Variants in METTL2A observed in about 807,000 individuals in gnomAD.
METTL2A encodes methyltransferase 2A, tRNA N3-cytidine.
In METTL2A, 45 loss-of-function variants were observed where a neutral mutation model predicts 49.4. That is an observed-to-expected ratio of 0.91 (90% CI 0.72 to 1.17). The LOEUF is 1.17. METTL2A is among the 50% of genes most tolerant of loss of function. The pLI is 0.00. For missense variants in METTL2A, 361 were observed against 462.2 expected (o/e 0.78, Z 2.01); for synonymous variants, 118 against 167.5 (o/e 0.70, Z 2.28).
rs1319873863 is a variant in METTL2A at position 62,451,719 on chromosome 17, C to G, written c.*2990C>G. 4.6e-5 allele frequency among the ~76,000 whole-genome samples: 7 copies of G among 151,834 alleles called. No individual in the cohort carries two copies. Among genetic ancestry groups the G allele is most frequent in the Admixed American group, 2.6e-4 (4 of 15,246 alleles). On this transcript the variant is annotated 3_prime_UTR_variant, in exon 9 of 9. Transcript: ENST00000311506. Reference sequence around the variant, plus strand: ...CCAGCCTGACCAACATGGAGAAACCCCGTCTCTACTAAAAATACAAAATAG... The same window carrying G: ...CCAGCCTGACCAACATGGAGAAACCGCGTCTCTACTAAAAATACAAAATAG...
rs1355833878 is a variant in METTL2A, at chr17:62,450,929, C to T, written c.*2200C>T. Reference sequence around the variant, plus strand: ...AATAGTCCATTTTTTTCTGATGTCCCAACATCACCAAATGTATCCATCACA... The same window carrying T: ...AATAGTCCATTTTTTTCTGATGTCCTAACATCACCAAATGTATCCATCACA... On this transcript the variant is annotated 3_prime_UTR_variant, in exon 9 of 9. Coordinates refer to ENST00000311506, the MANE Select transcript of METTL2A (RefSeq NM_181725.4). 3 of 152,066 alleles carry T rather than the reference C, an allele frequency of 2.0e-5. No homozygotes were observed. The highest frequency in any genetic ancestry group is 7.2e-5 in the African/African-American group (3 of 41,408). 9.4% of individuals were successfully genotyped at this position (152,066 alleles called of 1,614,324 possible). A position where few individuals can be genotyped will look rare whatever the true frequency, so the allele number is the denominator to read the frequency against.
At position 62,448,792 on chromosome 17, in the gene METTL2A, T is replaced by A; in HGVS notation, c.*63T>A. 2 of 1,588,240 alleles carry A rather than the reference T, an allele frequency of 1.3e-6. No individual in the cohort carries two copies. The highest frequency in any genetic ancestry group is 1.7e-6 in the Non-Finnish European group (2 of 1,166,012). On this transcript the variant is annotated 3_prime_UTR_variant, in exon 9 of 9. Transcript: ENST00000311506. ...TTTCCGGGCTTTTTTAAAAAAAAAA[T>A]TGTAGCACTGGGCGTGGTGCATGCC...
intron 4 of METTL2A, among the ~76,000 whole-genome samples, chr17:62,432,939 C>A (rs1226662744): frequency 6.6e-6 from 1 of 152,108 alleles, no homozygotes; most frequent in Non-Finnish European, 1.5e-5. Context: ...CAGAGCAAGA[C>A]CCTGTCTCAA....
chr17:62,424,712 G>T (rs1444107307), intron 2 of METTL2A, among the ~76,000 whole-genome samples: 4 of 151,956 alleles, frequency 2.6e-5, no homozygotes, highest in African/African-American at 9.7e-5. Flanking sequence ...TCTAAATATT[G>T]TTGGGAGGGG....
chr17:62,446,223 G>A (rs1434733416), intron 7 of METTL2A, among the ~76,000 whole-genome samples: 1 of 152,022 alleles, frequency 6.6e-6, no homozygotes, highest in Non-Finnish European at 1.5e-5. Flanking sequence ...GCGTGATCTC[G>A]GCTCACTGCA....
intron 4 of METTL2A, among the ~76,000 whole-genome samples, chr17:62,434,076 G>C (rs770242673): frequency 2.0e-5 from 3 of 152,272 alleles, no homozygotes; most frequent in Non-Finnish European, 4.4e-5. Flanking sequence ...CTCGGCAGAT[G>C]CAGCTGCCTG....
At chr17:62,446,075 T>G (rs1353539913) in intron 7 of METTL2A, among the ~76,000 whole-genome samples, 6 of 152,116 alleles carry the variant, frequency 3.9e-5, no homozygotes, top group Non-Finnish European at 8.8e-5. Flanking sequence ...GAAATAAAAA[T>G]AACGAGTTAG....
intron 5 of METTL2A, among the ~76,000 whole-genome samples, chr17:62,436,921 CA>C (rs1239077545): frequency 6.6e-6 from 1 of 152,054 alleles, no homozygotes; most frequent in African/African-American, 2.4e-5. Flanking sequence ...CATTTCAAAA[CA>C]AAAAACCTTT....
intron 6 of METTL2A, among the ~76,000 whole-genome samples, chr17:62,441,447 A>G (rs1222157013): frequency 6.6e-6 from 1 of 151,744 alleles, no homozygotes; most frequent in Non-Finnish European, 1.5e-5. Flanking sequence ...TTTTTATTTT[A>G]TTTTATTTTA....
In METTL2A at chr17:62,452,848, A is replaced by C. The variant is rs559711932; in HGVS notation, c.*4119A>C. On this transcript the variant is annotated 3_prime_UTR_variant, in exon 9 of 9. Transcript: ENST00000311506. ...TGGTCTTGAACTCCTGAGCTCAAGCAATCCTCCCACCTCGGCCTCCCAAAG... is the reference window on the plus strand; with the variant it reads ...TGGTCTTGAACTCCTGAGCTCAAGCCATCCTCCCACCTCGGCCTCCCAAAG... 6.6e-6 allele frequency among the ~76,000 whole-genome samples: 1 copy of C among 152,204 alleles called. No individual in the cohort carries two copies. The highest frequency in any genetic ancestry group is 2.4e-5 in the African/African-American group (1 of 41,534).
chr17:62,430,233 TAC>T (rs1171634090), intron 4 of METTL2A, among the ~76,000 whole-genome samples: 2 of 152,212 alleles, frequency 1.3e-5, no homozygotes, highest in Non-Finnish European at 2.9e-5. Context: ...CTCTTGAAGT[TAC>T]AGTCTGAGGA....
At chr17:62,437,291 C>T (rs115218346) in intron 5 of METTL2A, among the ~76,000 whole-genome samples, 5,119 of 151,940 alleles carry the variant, frequency 0.034, 301 homozygotes, top group African/African-American at 0.11. Flanking sequence ...GTAACAGAAA[C>T]GTCTAGACAA....
At chr17:62,447,869 A>C in intron 8 of METTL2A, 103 bp downstream of exon 8, 1 of 1,571,752 alleles carries the variant, frequency 6.4e-7, no homozygotes, top group Non-Finnish European at 8.7e-7. Flanking sequence ...CCTGCCTTTT[A>C]GGCAGGCTGT....
rs1322820603 is a variant in METTL2A at position 62,441,822 on chromosome 17, C to T, written c.809+1066C>T. ...GTGATGAGATCTTGGCTCACTGCAA[C>T]CTCCACCTCCCGGGTTCAACCAATT... On this transcript the variant is annotated intron_variant, in intron 6 of 8. Transcript: ENST00000311506. Among the ~76,000 whole-genome samples the T allele has an allele frequency of 4.0e-5, 6 of 150,914 alleles. No homozygotes were observed. In the Admixed American group the frequency reaches 4.0e-4, roughly 10 times the overall value.
chr17:62,428,566 C>A (rs1328772313), intron 4 of METTL2A, among the ~76,000 whole-genome samples: 2 of 152,216 alleles, frequency 1.3e-5, no homozygotes, highest in Non-Finnish European at 2.9e-5. Context: ...GTAGCCCTAT[C>A]TCCAGTTCAA....
chr17:62,437,884 A>G (rs1311546468), intron 5 of METTL2A, among the ~76,000 whole-genome samples: 2 of 151,974 alleles, frequency 1.3e-5, no homozygotes, highest in African/African-American at 2.4e-5. Context: ...AAGCAGAAGA[A>G]TCGCTTGAAC....
At position 62,427,782 on chromosome 17, in the gene METTL2A, C is replaced by T. The variant is rs1299376288; in HGVS notation, c.559-6C>T. The T allele has an allele frequency of 6.2e-7, 1 of 1,607,148 alleles. No individual in the cohort carries two copies. Among genetic ancestry groups the T allele is most frequent in the Non-Finnish European group, 8.5e-7 (1 of 1,178,392 alleles). ...TCTGTGATTAATAGTTCATTTCTGTCTGCAGGTTGGCTGTGGTGTGGGAAA... is the reference window on the plus strand; with the variant it reads ...TCTGTGATTAATAGTTCATTTCTGTTTGCAGGTTGGCTGTGGTGTGGGAAA... On this transcript the variant is annotated splice_polypyrimidine_tract_variant and splice_region_variant and intron_variant, in intron 3 of 8. Coordinates refer to ENST00000311506, the MANE Select transcript of METTL2A (RefSeq NM_181725.4).
intron 8 of METTL2A, among the ~76,000 whole-genome samples, chr17:62,448,351 A>G (rs976746030): frequency 3.9e-5 from 6 of 152,086 alleles, no homozygotes; most frequent in Non-Finnish European, 8.8e-5. Flanking sequence ...CCAAATATAA[A>G]CCAAAGGTTT....
In METTL2A at chr17:62,432,961, T is replaced by C. The variant is rs186377254; in HGVS notation, c.609-2271T>C. On this transcript the variant is annotated intron_variant, in intron 4 of 8. Coordinates refer to ENST00000311506, the MANE Select transcript of METTL2A (RefSeq NM_181725.4). ...AGACCCTGTCTCAAAAATCAATCAA[T>C]AATACAACAATTTTTAAAAATATAA... Among the ~76,000 whole-genome samples the C allele has an allele frequency of 3.5e-3, 531 of 152,346 alleles. 7 individuals are homozygous for C. The highest frequency in any genetic ancestry group is 0.012 in the African/African-American group (516 of 41,580).
Sources: gnomAD v4.1 joint callset for allele counts (sites outside exome capture counted in the v4.1 genomes callset) on GRCh38, gnomAD v4.1.1 for gene constraint, MANE v1.5 for transcripts, NCBI Gene and HGNC (gene_info 2026-07-23, HGNC 2026-07-21) for gene names.